The following RHEB variants were observed in gnomAD, a reference collection of about 807,000 sequenced individuals.
The protein encoded by RHEB is Ras homolog, mTORC1 binding, also known as GTP-binding protein Rheb.
In RHEB, 2 loss-of-function variants were observed where a neutral mutation model predicts 28.8. The observed-to-expected ratio is 0.07, with a 90% CI of 0.03 to 0.22. The LOEUF is 0.22. Ranked by LOEUF, RHEB falls within the 10% of genes least tolerant of loss-of-function variation. RHEB has a pLI of 1.00. For synonymous variants in RHEB, 69 were observed against 77.3 expected (o/e 0.89, Z 0.56); for missense variants, 76 against 219.9 (o/e 0.35, Z 4.14).
intron 1 of RHEB, among the ~76,000 whole-genome samples, chr7:151,492,159 C>T (rs752903246): frequency 3.9e-5 from 6 of 152,282 alleles, no homozygotes; most frequent in Admixed American, 2.0e-4. Flanking sequence ...CACAACAGGA[C>T]GTGCAGTGAG....
At chr7:151,487,441 C>T (rs1277753442) in intron 2 of RHEB, among the ~76,000 whole-genome samples, 2 of 151,770 alleles carry the variant, frequency 1.3e-5, no homozygotes, top group Admixed American at 6.6e-5. Context: ...AGGCCTGAAC[C>T]AGGGCACCCC....
At chr7:151,512,708 A>G (rs962508137) in intron 1 of RHEB, among the ~76,000 whole-genome samples, 5 of 152,236 alleles carry the variant, frequency 3.3e-5, no homozygotes, top group Admixed American at 6.5e-5. Context: ...AGCATTTAGG[A>G]TGCAGTCACT....
chr7:151,473,279 C>T (rs564794748), intron 4 of RHEB, among the ~76,000 whole-genome samples: 75 of 152,316 alleles, frequency 4.9e-4, no homozygotes, highest in African/African-American at 1.5e-3. Flanking sequence ...CTCAGGCCAG[C>T]GGCCAGCAAG....
chr7:151,472,904 C>T lies in RHEB; in HGVS notation c.276-1299G>A, dbSNP rs563670991. 8.5e-5 allele frequency among the ~76,000 whole-genome samples: 13 copies of T among 152,350 alleles called. No individual in the cohort carries two copies. The highest frequency in any genetic ancestry group is 4.1e-4 in the South Asian group (2 of 4,834). On this transcript the variant is annotated intron_variant, in intron 4 of 7. Coordinates refer to ENST00000262187, the MANE Select transcript of RHEB (RefSeq NM_005614.4). This position sits in a 1 kb window ranked among gnomAD's most constrained non-coding sequence, Gnocchi z 5.2. ...GGGATATGGGTGTCCTAAGGACCTG[C>T]GGTTGCATTACAGAACCACGGTTTC...
In RHEB at chr7:151,513,819, T is replaced by A. The variant is rs144536539; in HGVS notation, c.52+5641A>T. ...TCAGGAGCAGAGATGAGAATCCAGCTGTTAAGACATTAAAAGATACCTGCA... is the reference window on the plus strand; with the variant it reads ...TCAGGAGCAGAGATGAGAATCCAGCAGTTAAGACATTAAAAGATACCTGCA... On this transcript the variant is annotated intron_variant, in intron 1 of 7. Coordinates refer to ENST00000262187, the MANE Select transcript of RHEB (RefSeq NM_005614.4). Among the ~76,000 whole-genome samples the A allele has an allele frequency of 1.1e-3, 174 of 152,358 alleles. 1 individual carries two copies. The highest frequency in any genetic ancestry group is 3.9e-3 in the African/African-American group (163 of 41,578).
At chr7:151,492,423 T>C (rs969327174) in intron 1 of RHEB, among the ~76,000 whole-genome samples, 5 of 152,134 alleles carry the variant, frequency 3.3e-5, no homozygotes, top group African/African-American at 1.2e-4. Flanking sequence ...GAGACCAGCC[T>C]GGCCAACATG....
intron 2 of RHEB, among the ~76,000 whole-genome samples, chr7:151,487,269 C>A (rs1167173033): frequency 6.6e-6 from 1 of 152,196 alleles, no homozygotes; most frequent in African/African-American, 2.4e-5. Context: ...CCACTGCACT[C>A]CTGCCTGAAG....
At position 151,481,163 on chromosome 7, in the gene RHEB, C is replaced by T. The variant is rs559002983; in HGVS notation, c.192+3574G>A. 2.0e-5 allele frequency among the ~76,000 whole-genome samples: 3 copies of T among 151,562 alleles called. No homozygotes were observed. In the East Asian group the frequency reaches 5.8e-4, roughly 29 times the overall value. On this transcript the variant is annotated intron_variant, in intron 3 of 7. Transcript: ENST00000262187. ...TTTTTTTGATACTTCACATTCTTAC[C>T]CCAAAATTCATTTAGGGTATATGTT...
intron 3 of RHEB, among the ~76,000 whole-genome samples, chr7:151,483,898 C>T (rs990577651): frequency 1.3e-5 from 2 of 152,300 alleles, no homozygotes; most frequent in Admixed American, 6.5e-5. Flanking sequence ...ACTCCTTTCC[C>T]CCTTGCTTCC....
intron 4 of RHEB, among the ~76,000 whole-genome samples, chr7:151,474,178 GT>G (rs1000859226): frequency 9.6e-6 from 1 of 104,284 alleles, no homozygotes; most frequent in African/African-American, 3.5e-5. Context: ...AACCAGTGTT[GT>G]TTTTTTGTTT....
At chr7:151,503,735 G>A (rs1802816143) in intron 1 of RHEB, among the ~76,000 whole-genome samples, 1 of 151,262 alleles carries the variant, frequency 6.6e-6, no homozygotes, top group Non-Finnish European at 1.5e-5. Context: ...TTTACTCGAT[G>A]GTGAAATTCG....
Position 151,477,346 on chromosome 7 carries a change from T to C in RHEB, c.262A>G (p.Thr88Ala), listed in dbSNP as rs777846252. ...INGYILVYSVTSIKSFEVIKV... is the reference protein window; with the variant it reads ...INGYILVYSVASIKSFEVIKV... ...CAGGAGTCTTACCTTTTGATTGATG[T>C]AACAGAATACACAAGAATATAGCCA... The change falls in exon 4 of 8, where the codon ACA becomes GCA. Residue 88 changes from threonine to alanine, a missense_variant. Coordinates refer to ENST00000262187, the MANE Select transcript of RHEB (RefSeq NM_005614.4). 3 of 1,571,592 alleles carry C rather than the reference T, an allele frequency of 1.9e-6. No homozygotes were observed. Among genetic ancestry groups the C allele is most frequent in the Non-Finnish European group, 1.7e-6 (2 of 1,145,412 alleles).
In RHEB at chr7:151,466,206, A is replaced by C. The variant is rs1802057657; in HGVS notation, c.*913T>G. 6.6e-6 allele frequency: 1 copy of C among 152,242 alleles called. No individual in the cohort carries two copies. The allele number at this position is 152,242 out of a possible 1,614,324, so 9.4% of individuals were successfully genotyped here. Reference sequence around the variant, plus strand: ...CTTCTCCTTTACAGCTGCTCCTTGGACAGAGGGAGGCCCGTCATCTGGGTC... The same window carrying C: ...CTTCTCCTTTACAGCTGCTCCTTGGCCAGAGGGAGGCCCGTCATCTGGGTC... On this transcript the variant is annotated 3_prime_UTR_variant, in exon 8 of 8. Transcript: ENST00000262187.
At chr7:151,476,065 G>A (rs1269999551) in intron 4 of RHEB, among the ~76,000 whole-genome samples, 2 of 152,072 alleles carry the variant, frequency 1.3e-5, no homozygotes, top group African/African-American at 4.8e-5. Context: ...CTGGTACTTG[G>A]TTTTGATTCA....
chr7:151,510,085 T>C (rs940561241), intron 1 of RHEB, among the ~76,000 whole-genome samples: 2 of 152,334 alleles, frequency 1.3e-5, no homozygotes, highest in South Asian at 2.1e-4. Flanking sequence ...CAGACAAAAC[T>C]GTTCTTGAAG....
Position 151,487,941 on chromosome 7 carries a change from GT to G in RHEB, c.124+3001del, listed in dbSNP as rs1190869499. 2.0e-5 allele frequency among the ~76,000 whole-genome samples: 3 copies of G among 152,320 alleles called. No homozygotes were observed. In the East Asian group the frequency reaches 5.8e-4, roughly 29 times the overall value. On this transcript the variant is annotated intron_variant, in intron 2 of 7. Transcript: ENST00000262187. Reference sequence around the variant, plus strand: ...AAAGCAAGATTTGTGTTACTAAAGTGTGGTGAGGGCTCTTCATTCATACCCT... The same window carrying G: ...AAAGCAAGATTTGTGTTACTAAAGTGGGTGAGGGCTCTTCATTCATACCCT...
rs945953040 is a variant in RHEB, at chr7:151,488,219, A to G, written c.124+2724T>C. Among the ~76,000 whole-genome samples, 12 of 152,356 alleles carry G rather than the reference A, an allele frequency of 7.9e-5. No individual in the cohort carries two copies. In the East Asian group the frequency reaches 1.9e-3, roughly 25 times the overall value. Reference sequence around the variant, plus strand: ...GATAATGAAGTACACTTGCATAAGTAGTACTTCTGCTTTAAAATTTCCCCA... The same window carrying G: ...GATAATGAAGTACACTTGCATAAGTGGTACTTCTGCTTTAAAATTTCCCCA... On this transcript the variant is annotated intron_variant, in intron 2 of 7. Transcript: ENST00000262187.
intron 3 of RHEB, among the ~76,000 whole-genome samples, chr7:151,478,133 G>A (rs931541257): frequency 2.0e-5 from 3 of 152,112 alleles, no homozygotes; most frequent in African/African-American, 4.8e-5. Context: ...CTTTATATAC[G>A]TATTAAAGCA....
chr7:151,472,462 C>T lies in RHEB; in HGVS notation c.276-857G>A, dbSNP rs1041039622. Among the ~76,000 whole-genome samples, 3 of 152,168 alleles carry T rather than the reference C, an allele frequency of 2.0e-5. No homozygotes were observed. Among genetic ancestry groups the T allele is most frequent in the African/African-American group, 4.8e-5 (2 of 41,446 alleles). ...TACTCGGCCCCAGTGACTCTCAAGCCGCAAACTTCTGACCTCGTGATCCGC... is the reference window on the plus strand; with the variant it reads ...TACTCGGCCCCAGTGACTCTCAAGCTGCAAACTTCTGACCTCGTGATCCGC... On this transcript the variant is annotated intron_variant, in intron 4 of 7. Coordinates refer to ENST00000262187, the MANE Select transcript of RHEB (RefSeq NM_005614.4). The surrounding 1 kb of genome is among the most constrained non-coding windows in gnomAD (Gnocchi z 5.2).
Sources: gnomAD v4.1 joint callset for allele counts (sites outside exome capture counted in the v4.1 genomes callset) on GRCh38, gnomAD v4.1.1 for gene constraint, Gnocchi (gnomAD v3.1) non-coding constraint, MANE v1.5 for transcripts, NCBI Gene and HGNC (gene_info 2026-07-23, HGNC 2026-07-21) for gene names.